The following PHACTR1 variants were observed in gnomAD, a reference collection of about 807,000 sequenced individuals.
PHACTR1 encodes phosphatase and actin regulator 1, also known as RPEL repeat containing 1.
PHACTR1 carries 16 observed loss-of-function variants against 69.2 expected under a neutral mutation model. That is an observed-to-expected ratio of 0.23 (90% CI 0.16 to 0.35). The LOEUF is 0.35. PHACTR1 is among the 10% of genes least tolerant of loss of function. The pLI is 1.00. For missense variants in PHACTR1, 510 were observed against 734.7 expected (o/e 0.69, Z 3.54); for synonymous variants, 312 against 284.5 (o/e 1.10, Z -0.97).
intron 4 of PHACTR1, among the ~76,000 whole-genome samples, chr6:12,951,349 G>T (rs150596938): frequency 6.6e-6 from 1 of 152,190 alleles, no homozygotes; most frequent in African/African-American, 2.4e-5. Flanking sequence ...TAGCAACGTG[G>T]TGAGCTTAAT....
intron 4 of PHACTR1, among the ~76,000 whole-genome samples, chr6:12,882,562 A>C (rs757749988): frequency 1.3e-5 from 2 of 152,254 alleles, no homozygotes; most frequent in Non-Finnish European, 2.9e-5. Flanking sequence ...ATTTAGGGGC[A>C]AAATAAGAGC....
intron 4 of PHACTR1, among the ~76,000 whole-genome samples, chr6:12,773,867 G>C (rs1169541941): frequency 6.6e-6 from 1 of 151,868 alleles, no homozygotes; most frequent in Non-Finnish European, 1.5e-5. Flanking sequence ...TCATTTCTAG[G>C]GTAGAACATA....
At chr6:12,982,681 C>G (rs768832429) in intron 4 of PHACTR1, among the ~76,000 whole-genome samples, 2 of 152,044 alleles carry the variant, frequency 1.3e-5, no homozygotes, top group Non-Finnish European at 2.9e-5. Context: ...AACAAACAAA[C>G]CTATCTAAAG....
intron 4 of PHACTR1, among the ~76,000 whole-genome samples, chr6:12,911,398 T>G (rs1193215601): frequency 1.3e-5 from 2 of 152,236 alleles, no homozygotes; most frequent in Non-Finnish European, 2.9e-5. Context: ...TATCTTACTT[T>G]GGAAAAGAAT....
intron 4 of PHACTR1, chr6:12,957,319 A>C (rs1792015721): frequency 1.0e-6 from 1 of 980,224 alleles, no homozygotes; most frequent in Admixed American, 6.2e-5. Context: ...ATTTCCTCTG[A>C]ATCCTCTCCA....
At chr6:12,835,441 G>A (rs6458493) in intron 4 of PHACTR1, among the ~76,000 whole-genome samples, 31,295 of 151,820 alleles carry the variant, frequency 0.21, 3,502 homozygotes, top group African/African-American at 0.29. Context: ...AAGAAAGGCC[G>A]GTTGAGGAAA....
At chr6:12,852,457 C>T (rs1305412806) in intron 4 of PHACTR1, among the ~76,000 whole-genome samples, 3 of 152,178 alleles carry the variant, frequency 2.0e-5, no homozygotes, top group Non-Finnish European at 4.4e-5. Flanking sequence ...GAACCAGATT[C>T]TGAATCTGCC....
intron 4 of PHACTR1, among the ~76,000 whole-genome samples, chr6:12,797,315 G>C (rs888784641): frequency 9.9e-5 from 15 of 152,158 alleles, no homozygotes; most frequent in African/African-American, 3.6e-4. Flanking sequence ...TACATTCACG[G>C]ACTGCATATT....
chr6:13,013,824 G>A (rs1799757137), intron 4 of PHACTR1, among the ~76,000 whole-genome samples: 1 of 149,094 alleles, frequency 6.7e-6, no homozygotes, highest in Admixed American at 6.7e-5. Flanking sequence ...GCGAGGCCGA[G>A]GGGCGCGAGT....
chr6:12,823,421 G>T (rs1001088887), intron 4 of PHACTR1, among the ~76,000 whole-genome samples: 1 of 152,102 alleles, frequency 6.6e-6, no homozygotes, highest in Non-Finnish European at 1.5e-5. Flanking sequence ...TATAAGAAAT[G>T]TTCCAATAGT....
At chr6:13,280,854 G>T in intron 12 of PHACTR1, 1 of 776,452 alleles carries the variant, frequency 1.3e-6, no homozygotes, top group Non-Finnish European at 1.9e-6. Context: ...GGTTCCAGAT[G>T]CCCCGAAGGC....
chr6:12,992,333 A>T (rs2127608155), intron 4 of PHACTR1, among the ~76,000 whole-genome samples: 1 of 152,364 alleles, frequency 6.6e-6, no homozygotes, highest in African/African-American at 2.4e-5. Context: ...CGGCATAACC[A>T]GGTAGCCAGA....
At chr6:12,955,389 G>A (rs1397807906) in intron 4 of PHACTR1, among the ~76,000 whole-genome samples, 2 of 151,702 alleles carry the variant, frequency 1.3e-5, no homozygotes, top group African/African-American at 2.4e-5. Context: ...ATTTTTTATA[G>A]CAACGGGGTC....
At chr6:12,759,273 CTA>C (rs780729836) in intron 4 of PHACTR1, among the ~76,000 whole-genome samples, 4 of 151,824 alleles carry the variant, frequency 2.6e-5, no homozygotes, top group African/African-American at 7.3e-5. Flanking sequence ...CTGATGTTTT[CTA>C]TGTTATCCTA....
intron 3 of PHACTR1, among the ~76,000 whole-genome samples, chr6:12,737,582 ATTTC>A (rs1193759861): frequency 6.8e-5 from 10 of 146,168 alleles, no homozygotes; most frequent in Non-Finnish European, 9.0e-5. Context: ...TTTACTGTGT[ATTTC>A]TTTCTTTCTT....
At chr6:13,064,430 C>T (rs1808172520) in intron 5 of PHACTR1, among the ~76,000 whole-genome samples, 1 of 150,880 alleles carries the variant, frequency 6.6e-6, no homozygotes, top group Non-Finnish European at 1.5e-5. Context: ...TAAGGGTAAA[C>T]AAGCTTTATC....
chr6:13,230,136 G>T lies in PHACTR1; in HGVS notation c.1334G>T (p.Arg445Met), dbSNP rs1562034129. ...CTGGAAGAAAAGAACATCCTTCCCAGGCAGACGGATGAGGAGCGGCTGGAG... is the reference window on the plus strand; with the variant it reads ...CTGGAAGAAAAGAACATCCTTCCCATGCAGACGGATGAGGAGCGGCTGGAG... ...RELEEKNILP[R>M]QTDEERLELR... Residue 445 changes from arginine (R) to methionine (M), a missense_variant, in exon 10 of 15, where the codon AGG becomes ATG. Transcript: ENST00000332995. 1 of 1,611,890 alleles carries T rather than the reference G, an allele frequency of 6.2e-7. No homozygotes were observed. The highest frequency in any genetic ancestry group is 1.1e-5 in the South Asian group (1 of 90,382).
At chr6:13,153,155 A>G (rs1757679722) in intron 5 of PHACTR1, among the ~76,000 whole-genome samples, 1 of 152,252 alleles carries the variant, frequency 6.6e-6, no homozygotes, top group African/African-American at 2.4e-5. Flanking sequence ...CAGTCCATCC[A>G]GGGTCGGCAA....
chr6:13,208,752 A>T (rs1169580063), intron 8 of PHACTR1, among the ~76,000 whole-genome samples: 1 of 151,534 alleles, frequency 6.6e-6, no homozygotes, highest in African/African-American at 2.4e-5. Context: ...GCTTCCACTT[A>T]AAAAAAACAC....
Sources: allele counts gnomAD v4.1 joint callset (sites outside exome capture counted in the v4.1 genomes callset), GRCh38; gene constraint gnomAD v4.1.1; transcripts MANE v1.5; gene names NCBI Gene and HGNC (gene_info 2026-07-23, HGNC 2026-07-21).